Variants in CLIP4 observed in about 807,000 individuals in gnomAD.
CLIP4 encodes the protein CAP-Gly domain-containing linker protein 4.
Under a neutral mutation model 73.1 loss-of-function variants are expected in CLIP4, and 47 were observed. The ratio of observed to expected loss-of-function variants is 0.64; its 90% CI spans 0.51 to 0.82. The LOEUF (loss-of-function observed/expected upper bound fraction) is 0.82, where lower values mean the gene tolerates loss of function less well. Ranked by LOEUF, CLIP4 falls within the 40% of genes least tolerant of loss-of-function variation. The pLI, the probability that CLIP4 is intolerant of heterozygous loss-of-function variation, is 0.00. For synonymous variants in CLIP4, 306 were observed against 295.4 expected, an observed-to-expected ratio of 1.04 and a Z score of -0.37; for missense variants, 874 against 852.9, an observed-to-expected ratio of 1.02 and a Z score of -0.31.
Position 29,133,221 on chromosome 2 carries a change from A to G in CLIP4, c.368-434A>G, listed in dbSNP as rs141163475. Reference sequence around the variant, plus strand: ...GAAAGAATAAAAGGCATAAGACTACATTTCAGTTAACATAATGAGAAGACA... The same window carrying G: ...GAAAGAATAAAAGGCATAAGACTACGTTTCAGTTAACATAATGAGAAGACA... On this transcript the variant is annotated intron_variant, in intron 4 of 15. Coordinates refer to ENST00000320081, the MANE Select transcript of CLIP4 (RefSeq NM_024692.6). Among the ~76,000 whole-genome samples, 633 of 152,308 alleles carry G rather than the reference A, an allele frequency of 4.2e-3. 4 individuals are homozygous for G. Among genetic ancestry groups the G allele is most frequent in the African/African-American group, 0.014 (591 of 41,570 alleles).
At chr2:29,148,394 A>G (rs923789245) in intron 8 of CLIP4, among the ~76,000 whole-genome samples, 1 of 152,080 alleles carries the variant, frequency 6.6e-6, no homozygotes, top group African/African-American at 2.4e-5. Flanking sequence ...TGTTCTATTG[A>G]TCTGTTAATT....
At chr2:29,111,489 G>A (rs1481413842), upstream of CLIP4, among the ~76,000 whole-genome samples, 2 of 152,162 alleles carry the variant, frequency 1.3e-5, no homozygotes, top group Non-Finnish European at 1.5e-5. Flanking sequence ...TGGCTATGGG[G>A]TCACACTCTT....
At chr2:29,163,249 C>T (rs12614929) in intron 12 of CLIP4, among the ~76,000 whole-genome samples, 15,706 of 151,674 alleles carry the variant, frequency 0.1, 907 homozygotes, top group Middle Eastern at 0.17. Context: ...CTAACCTAAA[C>T]CTTTTCATTT....
chr2:29,163,901 T>C lies in CLIP4; in HGVS notation c.1605T>C (p.Tyr535=). Residue 535 remains tyrosine, a synonymous_variant, in exon 13 of 16, where the codon TAT becomes TAC. Transcript: ENST00000320081. ...ATGGTTCAGTTGGAGGTGTGCAGTA[T>C]TTTAGCTGTTCTCCAAGATATGGAA... ...KNDGSVGGVQ[Y]FSCSPRYGIF... is the part of the protein sequence containing the mutation. 6.2e-7 allele frequency: 1 copy of C among 1,613,388 alleles called. No homozygotes were observed. Among genetic ancestry groups the C allele is most frequent in the Non-Finnish European group, 8.5e-7 (1 of 1,179,412 alleles).
chr2:29,144,004 A>G, intron 7 of CLIP4, 59 bp downstream of exon 7: 1 of 1,384,932 alleles, frequency 7.2e-7, no homozygotes, highest in Non-Finnish European at 1.0e-6. Context: ...ACCTATGTTC[A>G]AGGACACAGT....
chr2:29,103,402 T>A (rs886109262), intron 1 of CLIP4, among the ~76,000 whole-genome samples: 1 of 151,784 alleles, frequency 6.6e-6, no homozygotes, highest in Non-Finnish European at 1.5e-5. Context: ...TTTAATTCAG[T>A]ATTTCATTCT....
intron 13 of CLIP4, among the ~76,000 whole-genome samples, chr2:29,166,514 A>G (rs1256276835): frequency 1.5e-5 from 2 of 137,202 alleles, no homozygotes; most frequent in Non-Finnish European, 3.2e-5. Context: ...GACTAGGTTA[A>G]TCACATACAC....
intron 15 of CLIP4, among the ~76,000 whole-genome samples, chr2:29,180,085 CACA>C (rs1668560854): frequency 1.3e-5 from 2 of 152,146 alleles, no homozygotes; most frequent in African/African-American, 2.4e-5. Context: ...AGATTCTGTT[CACA>C]ACAAGATCCT....
intron 15 of CLIP4, chr2:29,174,799 C>T (rs1668226780): frequency 8.6e-6 from 4 of 464,210 alleles, no homozygotes; most frequent in Admixed American, 6.3e-5. Context: ...GTCAGTGATA[C>T]ATGAAAGAAA....
intron 2 of CLIP4, chr2:29,130,880 G>A (rs771912581): frequency 7.7e-7 from 1 of 1,290,510 alleles, no homozygotes; most frequent in South Asian, 1.2e-5. Flanking sequence ...TACAATCTGA[G>A]CTCAGTGGTG....
intron 1 of CLIP4, among the ~76,000 whole-genome samples, chr2:29,103,600 A>T (rs1668113839): frequency 6.6e-6 from 1 of 152,006 alleles, no homozygotes; most frequent in South Asian, 2.1e-4. Flanking sequence ...AGGTTATTTT[A>T]TTTATTTAAG....
At chr2:29,139,310 C>T (rs1016857743) in intron 6 of CLIP4, among the ~76,000 whole-genome samples, 5 of 151,924 alleles carry the variant, frequency 3.3e-5, no homozygotes, top group African/African-American at 1.2e-4. Context: ...CGTTTATTGA[C>T]TTGCATACGT....
At chr2:29,169,889 A>G (rs2148086298) in intron 14 of CLIP4, among the ~76,000 whole-genome samples, 1 of 152,218 alleles carries the variant, frequency 6.6e-6, no homozygotes, top group East Asian at 1.9e-4. Flanking sequence ...CCCATTAGCC[A>G]ACCTCTCTTT....
intron 1 of CLIP4, among the ~76,000 whole-genome samples, chr2:29,106,649 C>G (rs1393108799): frequency 2.0e-5 from 3 of 152,158 alleles, no homozygotes; most frequent in Non-Finnish European, 4.4e-5. Context: ...CCATGACACT[C>G]TCTATTTTAC....
At position 29,108,288 on chromosome 2, in the gene CLIP4, C is replaced by T. The variant is rs532419668; in HGVS notation, c.-16+10341C>T. 3.7e-3 allele frequency among the ~76,000 whole-genome samples: 563 copies of T among 152,234 alleles called. 5 individuals are homozygous for T. Among genetic ancestry groups the T allele is most frequent in the Non-Finnish European group, 5.0e-3 (337 of 68,014 alleles). ...TTTGTGCTTTGTGGCCATCATTAAG[C>T]GAAACAGGGGTTACTTGAACACAAG... On this transcript the variant is annotated intron_variant, in intron 1 of 14. Transcript: ENST00000401605.
chr2:29,139,890 C>T (rs1665638763), intron 6 of CLIP4, among the ~76,000 whole-genome samples: 1 of 151,926 alleles, frequency 6.6e-6, no homozygotes, highest in Admixed American at 6.6e-5. Context: ...TTTTCTTTAG[C>T]TAGCAGTCTG....
chr2:29,175,316 T>A (rs1558586601), intron 15 of CLIP4: 1 of 152,228 alleles, frequency 6.6e-6, no homozygotes. Context: ...GCTGTTTTTC[T>A]CCCTTCCTCA....
intron 5 of CLIP4, 45 bp from the exon 6 acceptor site, chr2:29,135,503 T>C (rs776064472): frequency 1.9e-5 from 27 of 1,393,686 alleles, no homozygotes; most frequent in Non-Finnish European, 2.6e-5. Flanking sequence ...TTATGATAGC[T>C]AAGTTTAAAC....
intron 7 of CLIP4, among the ~76,000 whole-genome samples, chr2:29,144,602 A>G (rs892765236): frequency 1.3e-5 from 2 of 151,912 alleles, no homozygotes; most frequent in Non-Finnish European, 2.9e-5. Context: ...TTTGTTACGT[A>G]GGCATACGTG....
Sources: allele counts gnomAD v4.1 joint callset (sites outside exome capture counted in the v4.1 genomes callset), GRCh38; gene constraint gnomAD v4.1.1; transcripts MANE v1.5; gene names NCBI Gene and HGNC (gene_info 2026-07-23, HGNC 2026-07-21).